Variants in FAM162B observed in about 807,000 individuals in gnomAD.
The protein encoded by FAM162B is family with sequence similarity 162 member B, also known as protein FAM162B.
In FAM162B, 16 loss-of-function variants were observed where a neutral mutation model predicts 20.0. The observed-to-expected ratio is 0.80, with a 90% confidence interval of 0.54 to 1.21. The LOEUF is 1.21. Among genes scored for constraint, FAM162B ranks in the 50% most tolerant of loss-of-function variants. The pLI is 0.00. For missense variants in FAM162B, 260 were observed against 227.5 expected, an observed-to-expected ratio of 1.14 and a Z score of -0.92; for synonymous variants, 83 against 89.7, an observed-to-expected ratio of 0.93 and a Z score of 0.42.
chr6:116,761,645 CACTTATATATATACTTATATATAT>C (rs1267672569), intron 3 of FAM162B, among the ~76,000 whole-genome samples: 1 of 49,766 alleles, frequency 2.0e-5, no homozygotes, highest in South Asian at 4.8e-4. Flanking sequence ...CATATATATA[CACTTATATATATACTTATATATAT>C]ACTTATATAT....
intron 3 of FAM162B, among the ~76,000 whole-genome samples, chr6:116,759,970 G>A (rs961951727): frequency 2.0e-5 from 3 of 152,114 alleles, no homozygotes; most frequent in East Asian, 1.9e-4. Context: ...CTCCTGGGGT[G>A]TTACTATTTT....
At chr6:116,764,775 A>C (rs1025515212) in intron 2 of FAM162B, among the ~76,000 whole-genome samples, 1 of 152,058 alleles carries the variant, frequency 6.6e-6, no homozygotes, top group African/African-American at 2.4e-5. Flanking sequence ...CAAAGCCTGG[A>C]TTGCGGTCTG....
chr6:116,759,939 C>G (rs1780119916), intron 3 of FAM162B, among the ~76,000 whole-genome samples: 1 of 152,152 alleles, frequency 6.6e-6, no homozygotes, highest in South Asian at 2.1e-4. Context: ...ACGTCCCTGA[C>G]CACTCCATCA....
intron 3 of FAM162B, among the ~76,000 whole-genome samples, chr6:116,754,000 T>C (rs1780024327): frequency 6.6e-6 from 1 of 152,180 alleles, no homozygotes; most frequent in Non-Finnish European, 1.5e-5. Flanking sequence ...TCTGAGGATT[T>C]TTATGGAAGG....
rs1387795118 is a variant in FAM162B at position 116,753,910 on chromosome 6, T to C, written c.391-1215A>G. On this transcript the variant is annotated intron_variant, in intron 3 of 3. Transcript: ENST00000368557. ...GGCCAACAGACAACCTACGTGAGTG[T>C]GGTACCACGGAAACCAAGCGAAGAA... is the stretch of plus-strand genomic sequence containing the variant. 2.0e-5 allele frequency among the ~76,000 whole-genome samples: 3 copies of C among 152,246 alleles called. No individual in the cohort carries two copies. The East Asian group carries it at 5.8e-4, about 29-fold the overall frequency.
chr6:116,761,898 T>A, intron 3 of FAM162B, 79 bp downstream of exon 3: 1 of 1,030,432 alleles, frequency 9.7e-7, no homozygotes, highest in African/African-American at 1.6e-5. Context: ...ACCCTTTTGG[T>A]GAGATACTCT....
intron 3 of FAM162B, among the ~76,000 whole-genome samples, chr6:116,754,215 T>G (rs1780027294): frequency 6.6e-6 from 1 of 152,146 alleles, no homozygotes; most frequent in South Asian, 2.1e-4. Flanking sequence ...GGAGACCAAA[T>G]TCCTTTATAA....
At chr6:116,752,742 GTA>G (rs1554259852) in intron 3 of FAM162B, 47 bp from the exon 4 acceptor site, 12,040 of 360,404 alleles carry the variant, frequency 0.033, no homozygotes, top group Middle Eastern at 0.05. Flanking sequence ...ATAGATACAC[GTA>G]TATATATATA....
chr6:116,764,414 A>G (rs986502019), intron 2 of FAM162B, among the ~76,000 whole-genome samples: 5 of 152,298 alleles, frequency 3.3e-5, no homozygotes, highest in African/African-American at 1.2e-4. Context: ...TGGGCTTGGC[A>G]GAAACAGAAA....
At chr6:116,759,691 T>G (rs1365167096) in intron 3 of FAM162B, among the ~76,000 whole-genome samples, 1 of 152,192 alleles carries the variant, frequency 6.6e-6, no homozygotes, top group Admixed American at 6.5e-5. Flanking sequence ...AACTCTACAC[T>G]GGATCCCCAA....
intron 3 of FAM162B, among the ~76,000 whole-genome samples, chr6:116,756,042 G>C (rs752235796): frequency 7.2e-5 from 11 of 152,102 alleles, no homozygotes; most frequent in Non-Finnish European, 1.6e-4. Context: ...TCAGCCCATG[G>C]AAAAAGGTGT....
intron 3 of FAM162B, among the ~76,000 whole-genome samples, chr6:116,753,179 A>G (rs1469291744): frequency 6.6e-6 from 1 of 152,044 alleles, no homozygotes; most frequent in Non-Finnish European, 1.5e-5. Context: ...AGGCCTTTTC[A>G]CTTCTTTATT....
intron 3 of FAM162B, among the ~76,000 whole-genome samples, chr6:116,759,795 A>G: frequency 6.6e-6 from 1 of 152,028 alleles, no homozygotes; most frequent in Non-Finnish European, 1.5e-5. Flanking sequence ...TTTGCTCATT[A>G]TACTCCATCC....
At position 116,761,645 on chromosome 6, in the gene FAM162B, CACTTATATATAT is replaced by C. The variant is rs1267672569; in HGVS notation, c.390+320_390+331del. 7.6e-3 allele frequency among the ~76,000 whole-genome samples: 376 copies of C among 49,764 alleles called. 1 individual carries two copies. The highest frequency in any genetic ancestry group is 0.011 in the African/African-American group (94 of 8,698). 32.6% of individuals were successfully genotyped at this position (49,764 alleles called of 152,430 possible). On this transcript the variant is annotated intron_variant, in intron 3 of 3. Coordinates refer to ENST00000368557, the MANE Select transcript of FAM162B (RefSeq NM_001085480.3). ...ATACACATATATATACATATATATA[CACTTATATATAT>C]ACTTATATATATACTTATATATACA...
At chr6:116,754,807 G>C (rs1780035317) in intron 3 of FAM162B, among the ~76,000 whole-genome samples, 1 of 151,844 alleles carries the variant, frequency 6.6e-6, no homozygotes, top group Non-Finnish European at 1.5e-5. Context: ...GTCACATTTT[G>C]CTAATTTTTG....
Position 116,765,336 on chromosome 6 carries a change from G to A in FAM162B, c.172+69C>T, listed in dbSNP as rs551843150. 548 of 1,546,040 alleles carry A rather than the reference G, an allele frequency of 3.5e-4. 8 individuals are homozygous for A. In the South Asian group the frequency reaches 6.3e-3, roughly 18 times the overall value. ...CAGCGCGCCCTCAAGCCGACTCCCG[G>A]GCCGGCCCCTCGCTGCCCTCCCGCA... On this transcript the variant is annotated intron_variant, in intron 1 of 3. Transcript: ENST00000368557.
chr6:116,757,206 T>C (rs1325508438), intron 3 of FAM162B, among the ~76,000 whole-genome samples: 1 of 152,198 alleles, frequency 6.6e-6, no homozygotes, highest in Non-Finnish European at 1.5e-5. Flanking sequence ...TAAAATTAAG[T>C]ATTAGCACCA....
At chr6:116,757,457 A>G (rs955782995) in intron 3 of FAM162B, among the ~76,000 whole-genome samples, 1 of 152,172 alleles carries the variant, frequency 6.6e-6, no homozygotes, top group Admixed American at 6.5e-5. Flanking sequence ...ACAAAGTACA[A>G]TTTATTGGAT....
In FAM162B at chr6:116,765,700, C is replaced by T; in HGVS notation, c.-124G>A. On this transcript the variant is annotated 5_prime_UTR_variant, in exon 1 of 4. Transcript: ENST00000368557. ...GAGAGCCTGGGACGTGCAGCTGGAACCCCTGGCGCTCGCACACTCAGCTCG... is the reference window on the plus strand; with the variant it reads ...GAGAGCCTGGGACGTGCAGCTGGAATCCCTGGCGCTCGCACACTCAGCTCG... 1 of 1,111,550 alleles carries T rather than the reference C, an allele frequency of 9.0e-7. No individual in the cohort carries two copies. Among genetic ancestry groups the T allele is most frequent in the Non-Finnish European group, 1.1e-6 (1 of 878,866 alleles). The allele number at this position is 1,111,550 out of a possible 1,614,324, so 68.9% of individuals were successfully genotyped here.
Sources: gnomAD v4.1 joint callset for allele counts (sites outside exome capture counted in the v4.1 genomes callset) on GRCh38, gnomAD v4.1.1 for gene constraint, MANE v1.5 for transcripts, NCBI Gene and HGNC (gene_info 2026-07-23, HGNC 2026-07-21) for gene names.